TENM4: variants seen among roughly 807,000 people sequenced by gnomAD.
TENM4 encodes teneurin transmembrane protein 4, also known as teneurin-4.
Under a neutral mutation model 243.3 loss-of-function variants are expected in TENM4, and 82 were observed. That is an observed-to-expected ratio of 0.34 (90% CI 0.28 to 0.40). The LOEUF is 0.40. TENM4 is among the 10% of genes least tolerant of loss of function. The probability of loss-of-function intolerance (pLI) is 1.00; values close to 1 mark genes in which losing one functional copy is unlikely to be tolerated. For missense variants in TENM4, 3,138 were observed against 3,673.3 expected, an observed-to-expected ratio of 0.85 and a Z score of 3.77; for synonymous variants, 1,412 against 1,456.3, an observed-to-expected ratio of 0.97 and a Z score of 0.69.
intron 1 of TENM4, among the ~76,000 whole-genome samples, chr11:79,425,134 C>G (rs946919428): frequency 6.6e-6 from 1 of 152,116 alleles, no homozygotes; most frequent in African/African-American, 2.4e-5. Context: ...ACTCCAGAGC[C>G]CAGCTCACTC....
At position 78,653,512 on chromosome 11, in the gene TENM4, G is replaced by A. The variant is rs1006744569; in HGVS notation, c.*4546C>T. The A allele has an allele frequency of 6.6e-6, 1 of 152,234 alleles. No individual in the cohort carries two copies. The highest frequency in any genetic ancestry group is 2.4e-5 in the African/African-American group (1 of 41,446). 9.4% of individuals were successfully genotyped at this position (152,234 alleles called of 1,614,324 possible). ...ATGATTTCCACATGGTAAGGCCAGA[G>A]TCTCCAGTGTTGGTCATCCAGAAGC... is the stretch of plus-strand genomic sequence containing the variant. On this transcript the variant is annotated 3_prime_UTR_variant, in exon 34 of 34. Coordinates refer to ENST00000278550, the MANE Select transcript of TENM4 (RefSeq NM_001098816.3).
chr11:78,846,883 G>C (rs1481430403), intron 12 of TENM4, among the ~76,000 whole-genome samples: 1 of 152,152 alleles, frequency 6.6e-6, no homozygotes, highest in Non-Finnish European at 1.5e-5. Context: ...TTCTCTCTGA[G>C]AGAACCCTAA....
intron 16 of TENM4, among the ~76,000 whole-genome samples, chr11:78,780,712 T>A (rs1230151476): frequency 6.6e-6 from 1 of 152,226 alleles, no homozygotes; most frequent in African/African-American, 2.4e-5. Context: ...GCTCTCTCTC[T>A]TCTAATGCCA....
At chr11:79,344,058 A>G (rs1036273506) in intron 1 of TENM4, among the ~76,000 whole-genome samples, 4 of 152,214 alleles carry the variant, frequency 2.6e-5, no homozygotes, top group East Asian at 1.9e-4. Context: ...TCTCCTATCA[A>G]TGAAGCATCC....
chr11:79,035,713 C>G (rs986211504), intron 6 of TENM4, among the ~76,000 whole-genome samples: 2 of 152,144 alleles, frequency 1.3e-5, no homozygotes, highest in Admixed American at 6.5e-5. Context: ...TACATTTACC[C>G]AAATCTCCCA....
chr11:79,063,649 C>T (rs932916597), intron 6 of TENM4, among the ~76,000 whole-genome samples: 1 of 152,140 alleles, frequency 6.6e-6, no homozygotes, highest in African/African-American at 2.4e-5. Context: ...AGGGGAGATT[C>T]CCCCCAGGCA....
At chr11:78,879,389 G>A (rs1481650701) in intron 9 of TENM4, among the ~76,000 whole-genome samples, 164 of 149,562 alleles carry the variant, frequency 1.1e-3, no homozygotes, top group East Asian at 3.1e-3. Context: ...CCTGGCAGCC[G>A]CCCTGTCTGG....
At chr11:79,101,391 A>G (rs1861226891) in intron 4 of TENM4, among the ~76,000 whole-genome samples, 1 of 152,146 alleles carries the variant, frequency 6.6e-6, no homozygotes, top group Admixed American at 6.5e-5. Context: ...AGTTATTCTG[A>G]TGTTATTTCT....
intron 3 of TENM4, among the ~76,000 whole-genome samples, chr11:79,193,776 C>T (rs559723851): frequency 2.6e-5 from 4 of 152,150 alleles, no homozygotes; most frequent in African/African-American, 9.7e-5. Context: ...TGAAAGCTCA[C>T]AGAGGTCAGG....
chr11:79,314,479 C>A (rs1856772559), intron 1 of TENM4, among the ~76,000 whole-genome samples: 1 of 152,202 alleles, frequency 6.6e-6, no homozygotes, highest in African/African-American at 2.4e-5. Context: ...CCAGTTCCAA[C>A]CAGCTCCAGC....
intron 2 of TENM4, among the ~76,000 whole-genome samples, chr11:79,262,611 C>G (rs1295496426): frequency 6.6e-6 from 1 of 152,194 alleles, no homozygotes; most frequent in Non-Finnish European, 1.5e-5. Flanking sequence ...AGAAATGAGA[C>G]CTCAAGATGT....
chr11:79,039,262 C>T (rs945655696), intron 6 of TENM4, among the ~76,000 whole-genome samples: 1 of 152,202 alleles, frequency 6.6e-6, no homozygotes, highest in Non-Finnish European at 1.5e-5. Context: ...TCTGCTGAGT[C>T]ATGCCCACTT....
chr11:78,919,850 C>G (rs1856409653), intron 6 of TENM4, among the ~76,000 whole-genome samples: 1 of 152,078 alleles, frequency 6.6e-6, no homozygotes, highest in Admixed American at 6.5e-5. Context: ...TTTCCTAGAC[C>G]CTCCTCAATC....
At chr11:78,715,451 G>T (rs1263779655) in intron 25 of TENM4, among the ~76,000 whole-genome samples, 1 of 152,158 alleles carries the variant, frequency 6.6e-6, no homozygotes, top group African/African-American at 2.4e-5. Flanking sequence ...TGAGTTTCCA[G>T]CTCCTGTCTC....
At chr11:78,981,148 G>GGT (rs1418746606) in intron 6 of TENM4, among the ~76,000 whole-genome samples, 1 of 152,062 alleles carries the variant, frequency 6.6e-6, no homozygotes, top group Non-Finnish European at 1.5e-5. Context: ...CTCTATGACA[G>GGT]GTGTGTGTAT....
intron 6 of TENM4, among the ~76,000 whole-genome samples, chr11:79,041,618 A>T (rs1244868250): frequency 6.6e-6 from 1 of 152,194 alleles, no homozygotes; most frequent in East Asian, 1.9e-4. Context: ...TACAATTTAC[A>T]ACATCCAAAG....
intron 1 of TENM4, among the ~76,000 whole-genome samples, chr11:79,412,325 C>G (rs1858718508): frequency 6.6e-6 from 1 of 152,238 alleles, no homozygotes; most frequent in African/African-American, 2.4e-5. Context: ...AGCTGGGTGA[C>G]AGACCCTCTG....
chr11:79,034,566 T>C (rs1217805532), intron 6 of TENM4, among the ~76,000 whole-genome samples: 2 of 152,068 alleles, frequency 1.3e-5, no homozygotes, highest in Non-Finnish European at 2.9e-5. Flanking sequence ...GTAGAAAATA[T>C]TGTGGAAGTT....
chr11:78,988,333 G>C (rs1009942588), intron 6 of TENM4, among the ~76,000 whole-genome samples: 1 of 152,206 alleles, frequency 6.6e-6, no homozygotes, highest in Non-Finnish European at 1.5e-5. Flanking sequence ...TCAGATGGCT[G>C]TAACCCTGGC....
Sources: allele counts gnomAD v4.1 joint callset (sites outside exome capture counted in the v4.1 genomes callset), GRCh38; gene constraint gnomAD v4.1.1; transcripts MANE v1.5; gene names NCBI Gene and HGNC (gene_info 2026-07-23, HGNC 2026-07-21).